The following VHL variants were observed in gnomAD, a reference collection of about 807,000 sequenced individuals.
VHL encodes the protein von Hippel-Lindau tumor suppressor.
VHL carries 10 observed loss-of-function variants against 19.2 expected under a neutral mutation model. The observed-to-expected ratio is 0.52, with a 90% CI of 0.32 to 0.89. The LOEUF is 0.89. Ranked by LOEUF, VHL falls within the 40% of genes least tolerant of loss-of-function variation. The probability of loss-of-function intolerance (pLI) is 0.03; values close to 1 mark genes in which losing one functional copy is unlikely to be tolerated. For missense variants in VHL, 328 were observed against 292.7 expected (o/e 1.12, Z -0.88); for synonymous variants, 167 against 129.5 (o/e 1.29, Z -1.97).
Position 10,150,270 on chromosome 3 carries a change from T to G in VHL, c.*305T>G. 1 of 1,294,322 alleles carries G rather than the reference T, an allele frequency of 7.7e-7. No individual in the cohort carries two copies. The highest frequency in any genetic ancestry group is 3.4e-5 in the East Asian group (1 of 29,794). The allele number at this position is 1,294,322 out of a possible 1,614,324, so 80.2% of individuals were successfully genotyped here. On this transcript the variant is annotated 3_prime_UTR_variant, in exon 3 of 3. Transcript: ENST00000256474. Reference sequence around the variant, plus strand: ...ATGTAAGGAGGTTTGTATAAGTAATTCAGTGGGAATTGCAGCATATCGTTT... The same window carrying G: ...ATGTAAGGAGGTTTGTATAAGTAATGCAGTGGGAATTGCAGCATATCGTTT...
rs1136250 is a variant in VHL, at chr3:10,153,378, A to G, written c.*3413A>G. 6.6e-6 allele frequency among the ~76,000 whole-genome samples: 1 copy of G among 152,008 alleles called. No homozygotes were observed. Among genetic ancestry groups the G allele is most frequent in the African/African-American group, 2.4e-5 (1 of 41,386 alleles). On this transcript the variant is annotated 3_prime_UTR_variant, in exon 3 of 3. Transcript: ENST00000256474. ...CGGGAGGCGGAGGTTGCAGTGAGCCAAGATCACACCATTGCACTCCAGCCT... is the reference window on the plus strand; with the variant it reads ...CGGGAGGCGGAGGTTGCAGTGAGCCGAGATCACACCATTGCACTCCAGCCT...
intron 1 of VHL, 59 bp downstream of exon 1, chr3:10,142,246 T>G (rs1443857787): frequency 6.5e-7 from 1 of 1,547,148 alleles, no homozygotes; most frequent in Non-Finnish European, 8.7e-7. Context: ...CTGAAGCCCC[T>G]CTACCGCCCC....
chr3:10,150,413 G>T lies in VHL; in HGVS notation c.*448G>T, dbSNP rs886057709. On this transcript the variant is annotated 3_prime_UTR_variant, in exon 3 of 3. Transcript: ENST00000256474. The stretch of plus-strand genomic sequence containing the variant: ...TTGGGAAGACTGAGGCATCCGTGAG[G>T]CAGGGACAAGTCTTTCTCCTCTTTG... 8.6e-7 allele frequency: 1 copy of T among 1,159,076 alleles called. No individual in the cohort carries two copies. Among genetic ancestry groups the T allele is most frequent in the Non-Finnish European group, 1.1e-6 (1 of 922,258 alleles). The allele number at this position is 1,159,076 out of a possible 1,614,324, so 71.8% of individuals were successfully genotyped here. A position where few individuals can be genotyped will look rare whatever the true frequency, so the allele number is the denominator to read the frequency against.
chr3:10,147,397 C>T (rs1430825064), intron 2 of VHL, among the ~76,000 whole-genome samples: 3 of 149,716 alleles, frequency 2.0e-5, no homozygotes, highest in African/African-American at 7.4e-5. Context: ...GAGAGTCTCA[C>T]AGTGTCATCC....
At chr3:10,145,647 A>G (rs1696236702) in intron 1 of VHL, among the ~76,000 whole-genome samples, 1 of 149,920 alleles carries the variant, frequency 6.7e-6, no homozygotes, top group South Asian at 2.1e-4. Flanking sequence ...CGGAGCTTGC[A>G]GTGAGCCGAG....
chr3:10,148,861 G>A (rs759238428), intron 2 of VHL, among the ~76,000 whole-genome samples: 5 of 151,262 alleles, frequency 3.3e-5, no homozygotes, highest in African/African-American at 1.2e-4. Context: ...TAGTGGAGAC[G>A]GGGGTTTCAC....
At position 10,152,481 on chromosome 3, in the gene VHL, CTTTTTTTTTTTTTT is replaced by C. The variant is rs71052299; in HGVS notation, c.*2532_*2545del. 9.9e-4 allele frequency among the ~76,000 whole-genome samples: 64 copies of C among 64,522 alleles called. 1 individual carries two copies. The highest frequency in any genetic ancestry group is 3.8e-3 in the African/African-American group (59 of 15,592). 42.3% of individuals were successfully genotyped at this position (64,522 alleles called of 152,430 possible). ...CTCCTTTCAACATTCAACAAATAGT[CTTTTTTTTTTTTTT>C]TTTTTTTTTTTTTTTGAGATGGAGT... is the stretch of plus-strand genomic sequence containing the variant. On this transcript the variant is annotated 3_prime_UTR_variant, in exon 3 of 3. Coordinates refer to ENST00000256474, the MANE Select transcript of VHL (RefSeq NM_000551.4).
chr3:10,148,915 T>C (rs1028506009), intron 2 of VHL, among the ~76,000 whole-genome samples: 1 of 149,034 alleles, frequency 6.7e-6, no homozygotes, highest in Non-Finnish European at 1.5e-5. Flanking sequence ...TCAGGCAGTC[T>C]GCCTGCCTCA....
intron 1 of VHL, 49 bp downstream of exon 1, chr3:10,142,236 C>T (rs1191981397): frequency 1.3e-6 from 2 of 1,562,906 alleles, no homozygotes; most frequent in East Asian, 2.3e-5. Flanking sequence ...ATAGCACGGT[C>T]TGAAGCCCCT....
intron 2 of VHL, among the ~76,000 whole-genome samples, chr3:10,149,035 T>A (rs2125129982): frequency 6.6e-6 from 1 of 151,928 alleles, no homozygotes; most frequent in East Asian, 1.9e-4. Flanking sequence ...GTTACTCTGC[T>A]GGTGGTAGTC....
intron 2 of VHL, among the ~76,000 whole-genome samples, chr3:10,147,151 A>G (rs62238314): frequency 0.24 from 35,776 of 151,794 alleles, 5,481 homozygotes; most frequent in East Asian, 0.66. Context: ...AGCTGGGACT[A>G]CAGGCGTGTG....
intron 1 of VHL, 27 bp downstream of exon 1, chr3:10,142,214 C>G (rs779228671): frequency 1.1e-5 from 18 of 1,589,882 alleles, no homozygotes; most frequent in Middle Eastern, 3.4e-4. Flanking sequence ...TAGGCCCGAC[C>G]CAGCAGGGAC....
At chr3:10,142,220 GGGACGATA>G in intron 1 of VHL, 33 bp downstream of exon 1, 1 of 1,586,674 alleles carries the variant, frequency 6.3e-7, no homozygotes, top group South Asian at 1.1e-5. Flanking sequence ...CGACCCAGCA[GGGACGATA>G]GCACGGTCTG....
At chr3:10,143,682 C>T (rs931350131) in intron 1 of VHL, among the ~76,000 whole-genome samples, 1 of 151,726 alleles carries the variant, frequency 6.6e-6, no homozygotes, top group Non-Finnish European at 1.5e-5. Context: ...CTCCTGCGCT[C>T]GTGATCTGCC....
rs184144719 is a variant in VHL, at chr3:10,153,360, C to T, written c.*3395C>T. ...AGGCGAATCTCTTGAACCCGGGAGG[C>T]GGAGGTTGCAGTGAGCCAAGATCAC... On this transcript the variant is annotated 3_prime_UTR_variant, in exon 3 of 3. Transcript: ENST00000256474. 2.0e-3 allele frequency among the ~76,000 whole-genome samples: 296 copies of T among 151,600 alleles called. 1 individual carries two copies. The highest frequency in any genetic ancestry group is 6.2e-3 in the African/African-American group (255 of 41,348).
chr3:10,150,363 G>A lies in VHL; in HGVS notation c.*398G>A, dbSNP rs1348824962. ...ATACATCCATTCTACATCCGTAGCG[G>A]TTGGTGACTTGTCTGCCTCCTGCTT... On this transcript the variant is annotated 3_prime_UTR_variant, in exon 3 of 3. Transcript: ENST00000256474. 9 of 1,223,612 alleles carry A rather than the reference G, an allele frequency of 7.4e-6. No individual in the cohort carries two copies. Among genetic ancestry groups the A allele is most frequent in the Non-Finnish European group, 9.3e-6 (9 of 970,720 alleles). 75.8% of individuals were successfully genotyped at this position (1,223,612 alleles called of 1,614,324 possible).
At chr3:10,147,073 G>A (rs1460348092) in intron 2 of VHL, among the ~76,000 whole-genome samples, 2 of 152,032 alleles carry the variant, frequency 1.3e-5, no homozygotes, top group African/African-American at 4.8e-5. Flanking sequence ...GTGCAGTGGC[G>A]CAATCTCGGC....
At chr3:10,146,005 T>G (rs1575926913) in intron 1 of VHL, among the ~76,000 whole-genome samples, 1 of 151,596 alleles carries the variant, frequency 6.6e-6, no homozygotes, top group Non-Finnish European at 1.5e-5. Flanking sequence ...GCATGTCACT[T>G]CTCTCAGACT....
At chr3:10,147,798 A>G (rs1696299958) in intron 2 of VHL, among the ~76,000 whole-genome samples, 1 of 152,096 alleles carries the variant, frequency 6.6e-6, no homozygotes, top group South Asian at 2.1e-4. Context: ...ACTAAAGACC[A>G]GCAGTGTGTG....
Sources: gnomAD v4.1 joint callset for allele counts (sites outside exome capture counted in the v4.1 genomes callset) on GRCh38, gnomAD v4.1.1 for gene constraint, MANE v1.5 for transcripts, NCBI Gene and HGNC (gene_info 2026-07-23, HGNC 2026-07-21) for gene names.